The following TEX46 variants were observed in gnomAD, a reference collection of about 807,000 sequenced individuals.
The protein encoded by TEX46 is testis expressed 46, also known as testis-expressed protein 46.
A neutral mutation model predicts 5.3 loss-of-function variants in TEX46; 6 were observed. That is an observed-to-expected ratio of 1.13 (90% CI 0.62 to 2.23). The LOEUF is 2.23. TEX46 is among the 30% of genes most tolerant of loss of function. The pLI, the probability that TEX46 is intolerant of heterozygous loss-of-function variation, is 0.00. For missense variants in TEX46, 131 were observed against 150.9 expected, an observed-to-expected ratio of 0.87 and a Z score of 0.69; for synonymous variants, 41 against 54.6, an observed-to-expected ratio of 0.75 and a Z score of 1.10.
intron 2 of TEX46, among the ~76,000 whole-genome samples, chr1:23,011,690 G>T (rs1641353373): frequency 6.6e-6 from 1 of 152,248 alleles, no homozygotes; most frequent in African/African-American, 2.4e-5. Context: ...CTCCCAAGGT[G>T]CTGGGATTAC....
At chr1:23,014,364 A>G (rs1166533991) in intron 1 of TEX46, among the ~76,000 whole-genome samples, 2 of 152,064 alleles carry the variant, frequency 1.3e-5, no homozygotes, top group African/African-American at 2.4e-5. Context: ...AAAATGGCCA[A>G]TACAGAGCCC....
At position 23,013,990 on chromosome 1, in the gene TEX46, G is replaced by A; in HGVS notation, c.58C>T (p.Leu20=). ...AACAAGGCTGGCTTATAGCTCATCA[G>A]CCAAGCTGCCACTGCTCCTATGGTG... The part of the protein sequence containing the change: ...AGTIGAVAAW[L]MSYKPALFGF... The change falls in exon 2 of 3, where the codon CTG becomes TTG. Residue 20 remains leucine, a synonymous_variant. Transcript: ENST00000566855. 2 of 1,536,082 alleles carry A rather than the reference G, an allele frequency of 1.3e-6. No homozygotes were observed. Among genetic ancestry groups the A allele is most frequent in the Non-Finnish European group, 8.7e-7 (1 of 1,146,886 alleles).
Position 23,015,756 on chromosome 1 carries a change from G to T in TEX46, c.2+16C>A. On this transcript the variant is annotated intron_variant, in intron 1 of 2. Transcript: ENST00000566855. ...CAGTCACAAAAAAAAAACAAATACC[G>T]TATGATTCCACTTACATGAGCTATC... The T allele has an allele frequency of 1.4e-6, 1 of 697,472 alleles. No individual in the cohort carries two copies. Among genetic ancestry groups the T allele is most frequent in the Non-Finnish European group, 2.6e-6 (1 of 382,342 alleles). The allele number at this position is 697,472 out of a possible 1,614,324, so 43.2% of individuals were successfully genotyped here. A position where few individuals can be genotyped will look rare whatever the true frequency, so the allele number is the denominator to read the frequency against.
At chr1:23,014,556 A>G (rs1641395332) in intron 1 of TEX46, among the ~76,000 whole-genome samples, 2 of 151,500 alleles carry the variant, frequency 1.3e-5, no homozygotes, top group Admixed American at 6.6e-5. Context: ...ATTTATTATT[A>G]TTTTATTTTA....
intron 2 of TEX46, among the ~76,000 whole-genome samples, chr1:23,011,539 C>T (rs569359515): frequency 5.3e-5 from 8 of 152,148 alleles, no homozygotes; most frequent in South Asian, 2.1e-4. Context: ...ATTACAGGCA[C>T]GTGCCACCAC....
At chr1:23,011,464 C>T (rs1386951502) in intron 2 of TEX46, among the ~76,000 whole-genome samples, 1 of 148,866 alleles carries the variant, frequency 6.7e-6, no homozygotes, top group Admixed American at 6.7e-5. Flanking sequence ...GTGATCTCGG[C>T]TCACTGCAAC....
rs557497038 is a variant in TEX46, at chr1:23,010,888, C to T, written c.*13G>A. 24 of 1,517,796 alleles carry T rather than the reference C, an allele frequency of 1.6e-5. No homozygotes were observed. The highest frequency in any genetic ancestry group is 8.2e-5 in the African/African-American group (6 of 72,858). The allele number at this position is 1,517,796 out of a possible 1,614,324, so 94.0% of individuals were successfully genotyped here. On this transcript the variant is annotated 3_prime_UTR_variant, in exon 3 of 3. Transcript: ENST00000566855. The stretch of plus-strand genomic sequence containing the variant: ...AAGGTAACATCGGCAGAGGCCAGCC[C>T]GCCTCGGCCTCATTAGCTGGGGGAA...
chr1:23,013,797 G>C, intron 2 of TEX46, 86 bp downstream of exon 2: 1 of 1,259,416 alleles, frequency 7.9e-7, no homozygotes. Context: ...CCATTATTTC[G>C]ACACCTACCC....
chr1:23,012,948 T>C (rs1337527368), intron 2 of TEX46, among the ~76,000 whole-genome samples: 1 of 143,690 alleles, frequency 7.0e-6, no homozygotes, highest in East Asian at 2.1e-4. Context: ...CACTGCAGCC[T>C]CAACTTCTCG....
chr1:23,014,137 G>A (rs1161378916), intron 1 of TEX46, 92 bp from the exon 2 acceptor site: 16 of 1,453,194 alleles, frequency 1.1e-5, no homozygotes, highest in Admixed American at 7.4e-5. Flanking sequence ...CAAGAGTCAC[G>A]GCCACCCACT....
chr1:23,014,035 C>T lies in TEX46; in HGVS notation c.13G>A (p.Gly5Arg). Residue 5 changes from glycine to arginine, a missense_variant, in exon 2 of 3, where the codon GGG becomes AGG. Transcript: ENST00000566855. The part of the protein sequence containing the change: MSLH[G>R]ILASAGTIGA... ...ATGGTGCCTGCGGAGGCAAGTATCCCATGGAGACTCCTAAAGAGAAATATC... is the reference window on the plus strand; with the variant it reads ...ATGGTGCCTGCGGAGGCAAGTATCCTATGGAGACTCCTAAAGAGAAATATC... The T allele has an allele frequency of 2.0e-6, 3 of 1,535,928 alleles. No homozygotes were observed. Among genetic ancestry groups the T allele is most frequent in the Non-Finnish European group, 2.6e-6 (3 of 1,146,810 alleles).
chr1:23,015,357 A>T (rs1418775670), intron 1 of TEX46, among the ~76,000 whole-genome samples: 1 of 138,986 alleles, frequency 7.2e-6, no homozygotes, highest in Non-Finnish European at 1.5e-5. Context: ...AATTGCTGGA[A>T]CCCAGGAGGC....
intron 2 of TEX46, among the ~76,000 whole-genome samples, chr1:23,012,941 T>C (rs1386492063): frequency 1.4e-5 from 2 of 147,206 alleles, no homozygotes; most frequent in Non-Finnish European, 3.0e-5. Context: ...GCATGCTCAC[T>C]GCAGCCTCAA....
chr1:23,014,970 G>A (rs1189542414), intron 1 of TEX46, among the ~76,000 whole-genome samples: 1 of 151,954 alleles, frequency 6.6e-6, no homozygotes, highest in Non-Finnish European at 1.5e-5. Context: ...AGCCTCCCAA[G>A]TAGTTGGGAT....
In TEX46 at chr1:23,010,882, C is replaced by A; in HGVS notation, c.*19G>T. ...AGGTAAAAGGTAACATCGGCAGAGG[C>A]CAGCCCGCCTCGGCCTCATTAGCTG... is the stretch of plus-strand genomic sequence containing the variant. On this transcript the variant is annotated 3_prime_UTR_variant, in exon 3 of 3. Coordinates refer to ENST00000566855, the MANE Select transcript of TEX46 (RefSeq NM_001242521.2). 6.6e-7 allele frequency: 1 copy of A among 1,516,550 alleles called. No homozygotes were observed. The highest frequency in any genetic ancestry group is 1.2e-5 in the South Asian group (1 of 83,118). The allele number at this position is 1,516,550 out of a possible 1,614,324, so 93.9% of individuals were successfully genotyped here. A position where few individuals can be genotyped will look rare whatever the true frequency, so the allele number is the denominator to read the frequency against.
intron 1 of TEX46, among the ~76,000 whole-genome samples, chr1:23,015,465 A>AAAAAAAAAC (rs1641407141): frequency 6.7e-6 from 1 of 148,480 alleles, no homozygotes; most frequent in Non-Finnish European, 1.5e-5. Context: ...AAAAAAAAAA[A>AAAAAAAAAC]AAAGCATACA....
Position 23,013,891 on chromosome 1 carries a change from G to GC in TEX46, c.156dup (p.Pro53AlafsTer14), listed in dbSNP as rs2124291275. ...CCCCATCTTGTGCTCACCTGCTGGGGCTCTGGGAGGGTGAGCTTGTGTTCA... is the reference window on the plus strand; with the variant it reads ...CCCCATCTTGTGCTCACCTGCTGGGGCCTCTGGGAGGGTGAGCTTGTGTTCA... On this transcript the variant is annotated frameshift_variant, in exon 2 of 3. Coordinates refer to ENST00000566855, the MANE Select transcript of TEX46 (RefSeq NM_001242521.2). LOFTEE classifies it low-confidence loss of function (END_TRUNC). The GC allele has an allele frequency of 6.5e-7, 1 of 1,535,972 alleles. No individual in the cohort carries two copies. The highest frequency in any genetic ancestry group is 1.4e-5 in the African/African-American group (1 of 73,148).
chr1:23,013,455 G>A (rs914620639), intron 2 of TEX46, among the ~76,000 whole-genome samples: 2 of 152,352 alleles, frequency 1.3e-5, no homozygotes, highest in African/African-American at 4.8e-5. Context: ...TTGCAGGCGT[G>A]AGCCACTGCG....
chr1:23,011,512 C>A (rs1185473065), intron 2 of TEX46, among the ~76,000 whole-genome samples: 1 of 151,982 alleles, frequency 6.6e-6, no homozygotes, highest in Admixed American at 6.6e-5. Context: ...TCTGCCTCAG[C>A]CTCCAGAGTA....
Sources: allele counts gnomAD v4.1 joint callset (sites outside exome capture counted in the v4.1 genomes callset), GRCh38; gene constraint gnomAD v4.1.1; transcripts MANE v1.5; gene names NCBI Gene and HGNC (gene_info 2026-07-23, HGNC 2026-07-21).